Variants in GNL2 observed in about 807,000 individuals in gnomAD.
The protein encoded by GNL2 is nucleolar GTP-binding protein 2.
Under a neutral mutation model 92.3 loss-of-function variants are expected in GNL2, and 51 were observed. That is an observed-to-expected ratio of 0.55 (90% CI 0.44 to 0.70). The LOEUF is 0.70. GNL2 is among the 30% of genes least tolerant of loss of function. GNL2 has a pLI of 0.00. For synonymous variants in GNL2, 283 were observed against 300.6 expected (o/e 0.94, Z 0.61); for missense variants, 844 against 895.6 (o/e 0.94, Z 0.74).
chr1:37,591,152 T>C (rs973450790), intron 3 of GNL2, among the ~76,000 whole-genome samples: 1 of 152,260 alleles, frequency 6.6e-6, no homozygotes, highest in East Asian at 1.9e-4. Context: ...ATCTGTCAAA[T>C]GTCCTACTAC....
rs762171160 is a variant in GNL2, at chr1:37,574,393, T to C, written c.1366A>G (p.Ile456Val). Reference sequence around the variant, plus strand: ...TTGGGTGGCTTGACAAAGAAAGGAATCCGGCCCCTCTGCCAGTCATTGAGG... The same window carrying C: ...TTGGGTGGCTTGACAAAGAAAGGAACCCGGCCCCTCTGCCAGTCATTGAGG... Reference protein sequence around the residue: ...MVLNDWQRGRIPFFVKPPNAE... With the variant: ...MVLNDWQRGRVPFFVKPPNAE... Residue 456 changes from isoleucine (I) to valine (V), a missense_variant, in exon 12 of 16, where the codon ATT becomes GTT. Ile to Val is a conservative substitution (Grantham distance 29). Transcript: ENST00000373062. The C allele has an allele frequency of 1.5e-5, 24 of 1,613,880 alleles. No individual in the cohort carries two copies. The highest frequency in any genetic ancestry group is 4.2e-6 in the Non-Finnish European group (5 of 1,179,986).
At position 37,587,438 on chromosome 1, in the gene GNL2, A is replaced by G; in HGVS notation, c.442T>C (p.Ser148Pro). The G allele has an allele frequency of 1.2e-6, 2 of 1,613,410 alleles. No homozygotes were observed. The highest frequency in any genetic ancestry group is 1.7e-6 in the Non-Finnish European group (2 of 1,179,426). ...ESFETTFGPK[S>P]QRKRPNLFAS... ...AATAAGTTTGGTCGTTTCCTCTGTGACTTAGGGCCAAATGTAGTTTCAAAA... is the reference window on the plus strand; with the variant it reads ...AATAAGTTTGGTCGTTTCCTCTGTGGCTTAGGGCCAAATGTAGTTTCAAAA... The change falls in exon 5 of 16, where the codon TCA (serine) becomes CCA (proline). Residue 148 changes from serine to proline, a missense_variant. Physicochemically the swap from Ser to Pro is moderately conservative, Grantham distance 74. Coordinates refer to ENST00000373062, the MANE Select transcript of GNL2 (RefSeq NM_013285.3).
intron 4 of GNL2, among the ~76,000 whole-genome samples, chr1:37,588,247 A>C (rs1169802259): frequency 6.6e-6 from 1 of 152,040 alleles, no homozygotes; most frequent in Non-Finnish European, 1.5e-5. Flanking sequence ...GATCTATCAC[A>C]TAACGGAATG....
intron 12 of GNL2, among the ~76,000 whole-genome samples, chr1:37,572,934 T>G (rs368241032): frequency 2.6e-5 from 4 of 152,052 alleles, no homozygotes; most frequent in Non-Finnish European, 5.9e-5. Context: ...AGAACTGATA[T>G]GGAAAAAAAT....
chr1:37,583,784 T>A, intron 6 of GNL2, 83 bp downstream of exon 6: 1 of 830,660 alleles, frequency 1.2e-6, no homozygotes, highest in East Asian at 2.4e-5. Context: ...CAACAGAGCT[T>A]CAATATATCA....
In GNL2 at chr1:37,582,876, G is replaced by A. The variant is rs758989023; in HGVS notation, c.697C>T (p.Arg233Cys). The A allele has an allele frequency of 5.6e-6, 9 of 1,610,230 alleles. No individual in the cohort carries two copies. The highest frequency in any genetic ancestry group is 6.8e-6 in the Non-Finnish European group (8 of 1,176,460). Residue 233 changes from arginine to cysteine, a missense_variant, in exon 7 of 16, where the codon CGT (arginine) becomes TGT (cysteine). Transcript: ENST00000373062. ...AGGTAAGTTTCAATGTGAGGGGAAC[G>A]AGTACCCATTGGATCTCTAGCATCA... ...VLDARDPMGTRSPHIETYLKK... is the reference protein window; with the variant it reads ...VLDARDPMGTCSPHIETYLKK...
chr1:37,593,618 C>T (rs187969232), intron 2 of GNL2, 144 bp downstream of exon 2: 3 of 587,782 alleles, frequency 5.1e-6, no homozygotes, highest in East Asian at 5.9e-5. Flanking sequence ...TTTATCCTAA[C>T]GACACTCACG....
At chr1:37,568,111 A>T in intron 14 of GNL2, 164 bp downstream of exon 14, 2 of 606,574 alleles carry the variant, frequency 3.3e-6, no homozygotes, top group South Asian at 4.3e-5. Context: ...CAGAATGAAA[A>T]GCAGATAATT....
At chr1:37,584,479 AAG>A (rs1185836367) in intron 5 of GNL2, among the ~76,000 whole-genome samples, 1 of 81,330 alleles carries the variant, frequency 1.2e-5, no homozygotes, top group East Asian at 4.3e-4. Context: ...AAAAAAAAAG[AAG>A]AAGAAAATTC....
intron 5 of GNL2, among the ~76,000 whole-genome samples, chr1:37,586,035 T>C (rs903968683): frequency 4.6e-5 from 7 of 152,198 alleles, no homozygotes; most frequent in African/African-American, 1.2e-4. Flanking sequence ...TGCGGTCACA[T>C]TGATGCTTCA....
Position 37,567,047 on chromosome 1 carries a change from C to T in GNL2, c.2044-40G>A, listed in dbSNP as rs377462373. 2.5e-6 allele frequency: 4 copies of T among 1,597,252 alleles called. No individual in the cohort carries two copies. In the South Asian group the frequency reaches 3.4e-5, roughly 14 times the overall value. On this transcript the variant is annotated intron_variant, in intron 15 of 15. Coordinates refer to ENST00000373062, the MANE Select transcript of GNL2 (RefSeq NM_013285.3). ...AAGAAAAGATGAAGAAAAAAAACAA[C>T]AAAACCCTGAAAGTCATTCACAAAA...
intron 8 of GNL2, among the ~76,000 whole-genome samples, chr1:37,578,980 C>T (rs1032077639): frequency 6.6e-6 from 1 of 151,856 alleles, no homozygotes; most frequent in Non-Finnish European, 1.5e-5. Flanking sequence ...TGGGTTAAGA[C>T]AGAACAAGAC....
Position 37,587,320 on chromosome 1 carries a change from G to A in GNL2, c.560C>T (p.Thr187Ile). ...AAAAAAAAAAATGTACCTCACACCA[G>A]TGTCTTCAGTTACCAAATCACGATC... ...GKDRDLVTED[T>I]GVRNEAQEEI... The change falls in exon 5 of 16, where the codon ACT becomes ATT. Residue 187 changes from threonine (T) to isoleucine (I), a missense_variant. Thr to Ile is a moderately conservative substitution (Grantham distance 89). Transcript: ENST00000373062. 3 of 1,582,754 alleles carry A rather than the reference G, an allele frequency of 1.9e-6. No homozygotes were observed. The highest frequency in any genetic ancestry group is 1.8e-5 in the Admixed American group (1 of 55,810).
chr1:37,575,776 T>A lies in GNL2; in HGVS notation c.1039-77A>T, dbSNP rs369449056. 1 of 882,666 alleles carries A rather than the reference T, an allele frequency of 1.1e-6. No individual in the cohort carries two copies. Among genetic ancestry groups the A allele is most frequent in the Non-Finnish European group, 1.8e-6 (1 of 561,988 alleles). The allele number at this position is 882,666 out of a possible 1,614,324, so 54.7% of individuals were successfully genotyped here. On this transcript the variant is annotated intron_variant, in intron 9 of 15. Coordinates refer to ENST00000373062, the MANE Select transcript of GNL2 (RefSeq NM_013285.3). This position sits in a 1 kb window ranked among gnomAD's most constrained non-coding sequence, Gnocchi z 4.1. ...ATTTCACAAACCCCTGATGCTCATG[T>A]ATGAAGCTGGAAAGGAGGAAGGGGT... is the stretch of plus-strand genomic sequence containing the variant.
chr1:37,593,869 G>A (rs1471953967), intron 1 of GNL2, 23 bp from the exon 2 acceptor site: 1 of 1,564,336 alleles, frequency 6.4e-7, no homozygotes, highest in East Asian at 2.2e-5. Flanking sequence ...GAAGTACACA[G>A]TGCACTATTT....
At position 37,574,445 on chromosome 1, in the gene GNL2, G is replaced by A. The variant is rs375305276; in HGVS notation, c.1314C>T (p.Pro438=). 8.4e-5 allele frequency: 136 copies of A among 1,613,296 alleles called. No individual in the cohort carries two copies. Among genetic ancestry groups the A allele is most frequent in the South Asian group, 2.4e-4 (22 of 91,048 alleles). Residue 438 remains proline (P), a synonymous_variant, in exon 12 of 16, where the codon CCC becomes CCT. Transcript: ENST00000373062. ...RTGKLLKGGE[P]DLQTVGKMVL... ...CCATCTTACCCACAGTCTGCAAGTC[G>A]GGCTCTCCACCCTGAAAGGTCACAA...
intron 4 of GNL2, among the ~76,000 whole-genome samples, chr1:37,588,738 CAGT>C (rs775090964): frequency 8.5e-5 from 13 of 152,152 alleles, no homozygotes; most frequent in Non-Finnish European, 1.6e-4. Flanking sequence ...TACAGAAATA[CAGT>C]AGTTCTAAAA....
At chr1:37,590,597 C>T in intron 4 of GNL2, 109 bp downstream of exon 4, 2 of 881,676 alleles carry the variant, frequency 2.3e-6, no homozygotes, top group Non-Finnish European at 1.8e-6. Flanking sequence ...ATCATTGCTA[C>T]ATTAAAGTCA....
At chr1:37,586,471 T>C (rs1256423627) in intron 5 of GNL2, among the ~76,000 whole-genome samples, 1 of 152,044 alleles carries the variant, frequency 6.6e-6, no homozygotes, top group Non-Finnish European at 1.5e-5. Flanking sequence ...TTATAGATAC[T>C]TCCTCTCCTC....
Sources: gnomAD v4.1 joint callset for allele counts (sites outside exome capture counted in the v4.1 genomes callset) on GRCh38, gnomAD v4.1.1 for gene constraint, Gnocchi (gnomAD v3.1) non-coding constraint, MANE v1.5 for transcripts, NCBI Gene and HGNC (gene_info 2026-07-23, HGNC 2026-07-21) for gene names.